Variants in RIN2 observed in about 807,000 individuals in gnomAD.
RIN2 encodes the protein RAB5 interacting protein 2.
A neutral mutation model predicts 78.0 loss-of-function variants in RIN2; 36 were observed. That is an observed-to-expected ratio of 0.46 (90% confidence interval 0.35 to 0.61). The LOEUF is 0.61. Among genes scored for constraint, RIN2 ranks in the 20% least tolerant of loss-of-function variants. The pLI is 0.00. For synonymous variants in RIN2, 466 were observed against 466.8 expected (o/e 1.00, Z 0.02); for missense variants, 1,087 against 1,159.7 (o/e 0.94, Z 0.91).
At chr20:19,844,632 T>TC (rs1173523247) in intron 2 of RIN2, among the ~76,000 whole-genome samples, 11 of 128,272 alleles carry the variant, frequency 8.6e-5, no homozygotes, top group African/African-American at 2.6e-4. Context: ...TTCTTCTTCT[T>TC]CTTCTTCTTC....
intron 4 of RIN2, among the ~76,000 whole-genome samples, chr20:19,954,516 C>T (rs1395290957): frequency 6.6e-6 from 1 of 152,138 alleles, no homozygotes; most frequent in Non-Finnish European, 1.5e-5. Context: ...AAATGTCAGC[C>T]CCCTCTCTCT....
chr20:19,862,593 AAAAC>A (rs58548710), intron 2 of RIN2, among the ~76,000 whole-genome samples: 275 of 152,034 alleles, frequency 1.8e-3, no homozygotes, highest in East Asian at 5.8e-3. Context: ...ACTCCGTCTC[AAAAC>A]AAACAAACAA....
At chr20:19,960,596 T>C in intron 5 of RIN2, 104 bp from the exon 6 acceptor site, 1 of 851,080 alleles carries the variant, frequency 1.2e-6, no homozygotes, top group East Asian at 2.7e-5. Context: ...CCATGCAGTG[T>C]GGATATGAAG....
intron 1 of RIN2, among the ~76,000 whole-genome samples, chr20:19,780,849 C>T (rs2034476209): frequency 6.6e-6 from 1 of 152,226 alleles, no homozygotes; most frequent in South Asian, 2.1e-4. Context: ...TTGAATTTAA[C>T]TGGCATGGGG....
intron 2 of RIN2, among the ~76,000 whole-genome samples, chr20:19,841,016 A>G (rs2123080890): frequency 6.6e-6 from 1 of 152,078 alleles, no homozygotes; most frequent in African/African-American, 2.4e-5. Flanking sequence ...TCTGTTCTTT[A>G]GGGAACATTT....
intron 2 of RIN2, among the ~76,000 whole-genome samples, chr20:19,851,760 A>G (rs4814910): frequency 0.65 from 98,100 of 152,022 alleles, 33,717 homozygotes; most frequent in East Asian, 0.76. Context: ...GTGACCACAC[A>G]TGGTTGCTGA....
At chr20:19,930,458 G>C (rs1330591739) in intron 3 of RIN2, among the ~76,000 whole-genome samples, 1 of 152,216 alleles carries the variant, frequency 6.6e-6, no homozygotes, top group African/African-American at 2.4e-5. Flanking sequence ...TGGCTGAAGG[G>C]AATCAACTGA....
intron 7 of RIN2, among the ~76,000 whole-genome samples, chr20:19,967,348 T>C (rs983133026): frequency 2.8e-4 from 43 of 152,376 alleles, no homozygotes; most frequent in African/African-American, 9.6e-4. Context: ...TTGATGTTTT[T>C]GTTTCTCTTT....
intron 4 of RIN2, among the ~76,000 whole-genome samples, chr20:19,939,587 C>T (rs184334221): frequency 1.3e-5 from 2 of 152,312 alleles, no homozygotes; most frequent in African/African-American, 2.4e-5. Flanking sequence ...TAAGATGTGA[C>T]ACCCCAGCAC....
intron 1 of RIN2, among the ~76,000 whole-genome samples, chr20:19,760,611 T>C (rs1442522805): frequency 1.3e-5 from 2 of 152,120 alleles, no homozygotes; most frequent in Non-Finnish European, 2.9e-5. Flanking sequence ...CCTCTTCCTC[T>C]GCTTGGAGGA....
intron 1 of RIN2, among the ~76,000 whole-genome samples, chr20:19,761,129 A>G (rs149906730): frequency 6.6e-6 from 1 of 152,386 alleles, no homozygotes; most frequent in East Asian, 1.9e-4. Flanking sequence ...TTTGTAGCAC[A>G]TTATAAAATG....
intron 3 of RIN2, among the ~76,000 whole-genome samples, chr20:19,898,295 C>A (rs964772285): frequency 1.3e-5 from 2 of 152,164 alleles, no homozygotes; most frequent in Non-Finnish European, 2.9e-5. Context: ...AGGAGTGAAG[C>A]AGATTGCCCA....
intron 12 of RIN2, among the ~76,000 whole-genome samples, chr20:19,999,221 C>T (rs2043065488): frequency 6.6e-6 from 1 of 152,030 alleles, no homozygotes. Context: ...GTTACGTAGC[C>T]TCTCTGTGCC....
chr20:19,776,412 T>TG (rs2034311484), intron 1 of RIN2, among the ~76,000 whole-genome samples: 1 of 152,166 alleles, frequency 6.6e-6, no homozygotes, highest in Non-Finnish European at 1.5e-5. Flanking sequence ...AGATAATAAC[T>TG]CTTGCAACCA....
At chr20:19,769,063 A>G (rs1004489429) in intron 1 of RIN2, among the ~76,000 whole-genome samples, 33 of 151,958 alleles carry the variant, frequency 2.2e-4, no homozygotes, top group African/African-American at 7.0e-4. Context: ...CTGGAATTAC[A>G]GGTGCCCACC....
intron 8 of RIN2, 141 bp downstream of exon 8, chr20:19,971,070 G>A (rs1043198152): frequency 1.7e-5 from 11 of 642,054 alleles, no homozygotes; most frequent in Admixed American, 2.8e-5. Flanking sequence ...AAATGTTGAC[G>A]TCCTCTTGTA....
Position 19,986,975 on chromosome 20 carries a change from A to G in RIN2, c.1763-3031A>G, listed in dbSNP as rs548569449. The stretch of plus-strand genomic sequence containing the variant: ...CAGATCCTCCCCAAGGGGGACTGCC[A>G]TCATGACTTCTGTCCCACAGGTTAG... On this transcript the variant is annotated intron_variant, in intron 9 of 12. Coordinates refer to ENST00000255006, the MANE Select transcript of RIN2 (RefSeq NM_018993.4). 2.5e-4 allele frequency among the ~76,000 whole-genome samples: 38 copies of G among 152,374 alleles called. 1 individual carries two copies. The South Asian group carries it at 7.7e-3, about 31-fold the overall frequency.
Position 19,918,024 on chromosome 20 carries a change from C to G in RIN2, c.58-17075C>G, listed in dbSNP as rs76077498. 8.0e-3 allele frequency among the ~76,000 whole-genome samples: 1,213 copies of G among 152,244 alleles called. 15 individuals carry two copies. Among genetic ancestry groups the G allele is most frequent in the East Asian group, 0.038 (198 of 5,190 alleles). ...CATTCAGATTGTCTTCTAGAAAGAG[C>G]AAGTCATCTTTTTTCTCTAGTGCTT... On this transcript the variant is annotated intron_variant, in intron 3 of 12. Coordinates refer to ENST00000255006, the MANE Select transcript of RIN2 (RefSeq NM_018993.4).
intron 3 of RIN2, among the ~76,000 whole-genome samples, chr20:19,918,396 A>G (rs2039774117): frequency 2.0e-5 from 3 of 149,536 alleles, no homozygotes; most frequent in South Asian, 2.1e-4. Context: ...TGTGTGTGTC[A>G]AAGATTGATT....
Sources: allele counts gnomAD v4.1 joint callset (sites outside exome capture counted in the v4.1 genomes callset), GRCh38; gene constraint gnomAD v4.1.1; transcripts MANE v1.5; gene names NCBI Gene and HGNC (gene_info 2026-07-23, HGNC 2026-07-21).